Variants in MCTP1 observed in about 807,000 individuals in gnomAD.
MCTP1 encodes the protein multiple C2 and transmembrane domain containing 1, also known as multiple C2 and transmembrane domain-containing protein 1.
Under a neutral mutation model 120.6 loss-of-function variants are expected in MCTP1, and 69 were observed. The ratio of observed to expected loss-of-function variants is 0.57; its 90% CI spans 0.47 to 0.70. MCTP1 has a LOEUF of 0.70. Among genes scored for constraint, MCTP1 ranks in the 30% least tolerant of loss-of-function variants. The pLI is 0.00. For missense variants in MCTP1, 1,203 were observed against 1,248.8 expected, an observed-to-expected ratio of 0.96 and a Z score of 0.55; for synonymous variants, 529 against 493.1, an observed-to-expected ratio of 1.07 and a Z score of -0.96.
chr5:95,026,912 C>A (rs1839370585), intron 1 of MCTP1, among the ~76,000 whole-genome samples: 1 of 152,152 alleles, frequency 6.6e-6, no homozygotes, highest in Non-Finnish European at 1.5e-5. Flanking sequence ...TTGAAGATTT[C>A]TACTTAGTCA....
intron 1 of MCTP1, among the ~76,000 whole-genome samples, chr5:95,242,962 T>C (rs2152682657): frequency 6.6e-6 from 1 of 152,304 alleles, no homozygotes; most frequent in South Asian, 2.1e-4. Context: ...AAAAAGTCAC[T>C]AAAGGTCCTG....
At chr5:94,787,741 C>T (rs1360209569) in intron 18 of MCTP1, among the ~76,000 whole-genome samples, 1 of 152,126 alleles carries the variant, frequency 6.6e-6, no homozygotes, top group East Asian at 1.9e-4. Flanking sequence ...CTCAGCCTTC[C>T]GAGTAGCTGG....
intron 17 of MCTP1, among the ~76,000 whole-genome samples, chr5:94,830,738 C>T (rs72890): frequency 0.88 from 134,358 of 152,260 alleles, 59,504 homozygotes; most frequent in East Asian, 0.98. Context: ...TGCTACCTCA[C>T]GGTCACGCTC....
intron 17 of MCTP1, among the ~76,000 whole-genome samples, chr5:94,807,927 A>G (rs1331630481): frequency 1.3e-5 from 2 of 152,242 alleles, no homozygotes; most frequent in Admixed American, 1.3e-4. Context: ...ACAGAAAAAA[A>G]GCTAGGTATA....
intron 18 of MCTP1, among the ~76,000 whole-genome samples, 170 bp downstream of exon 18, chr5:94,798,843 A>T (rs148775361): frequency 2.0e-5 from 3 of 152,134 alleles, no homozygotes; most frequent in Non-Finnish European, 4.4e-5. Context: ...AATACTCTCT[A>T]TTGTGTTAGG....
intron 7 of MCTP1, among the ~76,000 whole-genome samples, chr5:94,923,380 A>C (rs1345752705): frequency 6.6e-6 from 1 of 152,226 alleles, no homozygotes; most frequent in African/African-American, 2.4e-5. Context: ...ATGGATGGTC[A>C]TTATGCTTTA....
chr5:95,179,085 G>A (rs1033353130), intron 1 of MCTP1, among the ~76,000 whole-genome samples: 1 of 152,160 alleles, frequency 6.6e-6, no homozygotes, highest in African/African-American at 2.4e-5. Flanking sequence ...GAACTTCAGA[G>A]CTCAAAGACA....
At chr5:95,077,403 A>G (rs1253769483) in intron 1 of MCTP1, among the ~76,000 whole-genome samples, 3 of 151,932 alleles carry the variant, frequency 2.0e-5, no homozygotes, top group African/African-American at 4.8e-5. Context: ...AATGTGTGTA[A>G]ATATATATGT....
chr5:95,060,484 C>G (rs1748655661), intron 1 of MCTP1, among the ~76,000 whole-genome samples: 1 of 152,098 alleles, frequency 6.6e-6, no homozygotes, highest in Non-Finnish European at 1.5e-5. Context: ...TAATTTACTT[C>G]TAAACTTGAG....
At position 94,997,701 on chromosome 5, in the gene MCTP1, T is replaced by A. The variant is rs140640516; in HGVS notation, c.838+19666A>T. Among the ~76,000 whole-genome samples, 826 of 152,314 alleles carry A rather than the reference T, an allele frequency of 5.4e-3. 5 individuals carry two copies. The highest frequency in any genetic ancestry group is 0.019 in the African/African-American group (784 of 41,578). ...GTTATCATCAATGGACCTACGCTGA[T>A]ACATCATTATCAACCAAAGTACACA... On this transcript the variant is annotated intron_variant, in intron 2 of 22. Transcript: ENST00000515393.
intron 1 of MCTP1, among the ~76,000 whole-genome samples, chr5:95,080,900 C>T (rs750719701): frequency 2.0e-5 from 3 of 152,162 alleles, no homozygotes; most frequent in Non-Finnish European, 2.9e-5. Context: ...TAGTCTTTCA[C>T]TTAAATAGAA....
At chr5:95,133,532 G>A (rs1759207708) in intron 1 of MCTP1, among the ~76,000 whole-genome samples, 1 of 152,210 alleles carries the variant, frequency 6.6e-6, no homozygotes, top group African/African-American at 2.4e-5. Context: ...GCACATGCCT[G>A]TAGTCCCAGC....
intron 1 of MCTP1, among the ~76,000 whole-genome samples, chr5:95,125,609 C>T (rs2152415836): frequency 6.6e-6 from 1 of 152,332 alleles, no homozygotes; most frequent in Admixed American, 6.5e-5. Context: ...TCCTAACACT[C>T]ATTACTACCT....
chr5:95,177,697 C>G (rs1023656509), intron 1 of MCTP1, among the ~76,000 whole-genome samples: 1 of 152,158 alleles, frequency 6.6e-6, no homozygotes, highest in African/African-American at 2.4e-5. Context: ...GATTTGTGGA[C>G]TGAAGAGGTA....
At chr5:95,218,772 T>C (rs929396668) in intron 1 of MCTP1, among the ~76,000 whole-genome samples, 1 of 152,240 alleles carries the variant, frequency 6.6e-6, no homozygotes, top group Non-Finnish European at 1.5e-5. Flanking sequence ...ACTATACGCC[T>C]AGGCTGGATG....
chr5:94,738,343 T>C (rs868469508), intron 19 of MCTP1, among the ~76,000 whole-genome samples: 1 of 152,176 alleles, frequency 6.6e-6, no homozygotes, highest in South Asian at 2.1e-4. Flanking sequence ...ATCATTCCTC[T>C]GCTTGAGAAA....
At chr5:94,809,016 C>CTCTA (rs759880195) in intron 17 of MCTP1, among the ~76,000 whole-genome samples, 1 of 152,054 alleles carries the variant, frequency 6.6e-6, no homozygotes, top group African/African-American at 2.4e-5. Flanking sequence ...CATAGCTTGA[C>CTCTA]TCTATCTATT....
At chr5:94,997,999 T>G (rs1832942161) in intron 2 of MCTP1, among the ~76,000 whole-genome samples, 1 of 152,150 alleles carries the variant, frequency 6.6e-6, no homozygotes, top group Non-Finnish European at 1.5e-5. Context: ...GGTAGTTCAG[T>G]AGAAAATGGT....
At chr5:94,927,554 C>T (rs946353909) in intron 6 of MCTP1, among the ~76,000 whole-genome samples, 5 of 151,648 alleles carry the variant, frequency 3.3e-5, no homozygotes, top group South Asian at 2.1e-4. Context: ...TCATTTTTGC[C>T]GCTTTAAAAA....
Sources: allele counts gnomAD v4.1 joint callset (sites outside exome capture counted in the v4.1 genomes callset), GRCh38; gene constraint gnomAD v4.1.1; transcripts MANE v1.5; gene names NCBI Gene and HGNC (gene_info 2026-07-23, HGNC 2026-07-21).